Variants in CUL2 observed in about 807,000 individuals in gnomAD.
CUL2 encodes the protein cullin-2.
Under a neutral mutation model 110.2 loss-of-function variants are expected in CUL2, and 22 were observed. The observed-to-expected ratio is 0.20, with a 90% CI of 0.14 to 0.28. The LOEUF is 0.28. Ranked by LOEUF, CUL2 falls within the 10% of genes least tolerant of loss-of-function variation. The pLI, the probability that CUL2 is intolerant of heterozygous loss-of-function variation, is 1.00. For missense variants in CUL2, 631 were observed against 905.5 expected, an observed-to-expected ratio of 0.70 and a Z score of 3.89; for synonymous variants, 279 against 293.2, an observed-to-expected ratio of 0.95 and a Z score of 0.49.
intron 1 of CUL2, among the ~76,000 whole-genome samples, chr10:35,079,973 G>A (rs1199943691): frequency 6.6e-6 from 1 of 152,182 alleles, no homozygotes; most frequent in African/African-American, 2.4e-5. Context: ...ATTCACGTCT[G>A]AGCAGGACAG....
intron 1 of CUL2, among the ~76,000 whole-genome samples, chr10:35,072,472 G>A (rs960921503): frequency 1.3e-5 from 2 of 151,966 alleles, no homozygotes; most frequent in African/African-American, 4.8e-5. Flanking sequence ...AGGTTCAGGT[G>A]ATTCTCCTGC....
At chr10:35,029,307 T>A (rs964921379) in intron 15 of CUL2, among the ~76,000 whole-genome samples, 181 bp downstream of exon 15, 1 of 152,194 alleles carries the variant, frequency 6.6e-6, no homozygotes, top group African/African-American at 2.4e-5. Flanking sequence ...TCTGCCTGCT[T>A]TGGCCTCTGA....
At chr10:35,078,239 A>T (rs1470391171) in intron 1 of CUL2, among the ~76,000 whole-genome samples, 3 of 152,120 alleles carry the variant, frequency 2.0e-5, no homozygotes, top group Non-Finnish European at 4.4e-5. Context: ...CCCCTAAAAA[A>T]CTTAAATTAC....
At chr10:35,091,019 G>A (rs2087196011), upstream of CUL2, among the ~76,000 whole-genome samples, 1 of 152,000 alleles carries the variant, frequency 6.6e-6, no homozygotes, top group Admixed American at 6.6e-5. Context: ...AGAATTTCTT[G>A]GACATACATG....
intron 1 of CUL2, among the ~76,000 whole-genome samples, chr10:35,102,567 G>A (rs2087396916): frequency 1.3e-5 from 2 of 151,862 alleles, no homozygotes; most frequent in Admixed American, 6.6e-5. Flanking sequence ...GCTAGACTCT[G>A]TCTCAAAAAA....
At chr10:35,052,863 C>A (rs191660041) in intron 5 of CUL2, among the ~76,000 whole-genome samples, 1 of 150,864 alleles carries the variant, frequency 6.6e-6, no homozygotes, top group East Asian at 1.9e-4. Flanking sequence ...CCACTGCACT[C>A]CAGCCTGGGT....
chr10:35,086,758 C>G, intron 1 of CUL2, among the ~76,000 whole-genome samples: 1 of 152,082 alleles, frequency 6.6e-6, no homozygotes, highest in Admixed American at 6.6e-5. Flanking sequence ...TTAACAAGGG[C>G]AGGGACCAAA....
At chr10:35,061,686 C>T (rs1047635729) in intron 3 of CUL2, among the ~76,000 whole-genome samples, 1 of 151,444 alleles carries the variant, frequency 6.6e-6, no homozygotes, top group Non-Finnish European at 1.5e-5. Flanking sequence ...CTAAAATGCA[C>T]ATGCCATATA....
chr10:35,061,403 C>A (rs935073813), intron 3 of CUL2, among the ~76,000 whole-genome samples: 1 of 148,364 alleles, frequency 6.7e-6, no homozygotes, highest in Non-Finnish European at 1.5e-5. Flanking sequence ...TGAACCCGAT[C>A]GCACCGAGAC....
chr10:35,111,141 G>C (rs570130276), intron 1 of CUL2, among the ~76,000 whole-genome samples: 7 of 152,170 alleles, frequency 4.6e-5, no homozygotes, highest in Non-Finnish European at 7.3e-5. Context: ...TTTTTGGCCT[G>C]AGCAACTTGG....
At position 35,031,270 on chromosome 10, in the gene CUL2, G is replaced by T; in HGVS notation, c.1386+30C>A. 2 of 1,377,378 alleles carry T rather than the reference G, an allele frequency of 1.5e-6. No homozygotes were observed. The highest frequency in any genetic ancestry group is 1.3e-5 in the South Asian group (1 of 78,214). The allele number at this position is 1,377,378 out of a possible 1,614,324, so 85.3% of individuals were successfully genotyped here. ...TTATGTGCTTGTGAATGAATTTCTA[G>T]GACAATACCACATTAAAGACTTACA... On this transcript the variant is annotated intron_variant, in intron 14 of 20. Transcript: ENST00000374749. The surrounding 1 kb of genome is among the most constrained non-coding windows in gnomAD (Gnocchi z 4.4).
chr10:35,042,897 G>A (rs566851355), intron 8 of CUL2, among the ~76,000 whole-genome samples: 1 of 152,192 alleles, frequency 6.6e-6, no homozygotes, highest in South Asian at 2.1e-4. Flanking sequence ...GTCTGGGGGT[G>A]TGCAGGGCAG....
chr10:35,016,057 C>T (rs1300206357), intron 18 of CUL2, 135 bp downstream of exon 18: 4 of 690,472 alleles, frequency 5.8e-6, no homozygotes, highest in South Asian at 1.9e-5. Flanking sequence ...CTCTATGGAG[C>T]GTACAGTAAC....
At chr10:35,062,648 A>G (rs993510158) in intron 3 of CUL2, among the ~76,000 whole-genome samples, 10 of 150,616 alleles carry the variant, frequency 6.6e-5, no homozygotes, top group African/African-American at 2.4e-4. Flanking sequence ...CCTAGGCAAT[A>G]TAGTGAGACC....
chr10:35,100,007 T>C (rs957249598), intron 2 of CUL2, among the ~76,000 whole-genome samples: 2 of 152,118 alleles, frequency 1.3e-5, no homozygotes, highest in Non-Finnish European at 2.9e-5. Context: ...AGTCTTGCTA[T>C]GTTGCCCAGG....
chr10:35,120,517 G>A (rs2087665323), intron 1 of CUL2: 1 of 152,146 alleles, frequency 6.6e-6, no homozygotes, highest in South Asian at 2.1e-4. Flanking sequence ...TACAAAATAA[G>A]AGGTTGTCAA....
chr10:35,117,354 A>G (rs1361338723), intron 1 of CUL2, among the ~76,000 whole-genome samples: 1 of 152,036 alleles, frequency 6.6e-6, no homozygotes, highest in Admixed American at 6.6e-5. Flanking sequence ...CTCCCACCTC[A>G]GCTCTCGAGT....
At chr10:35,021,542 A>T (rs866249436) in intron 17 of CUL2, among the ~76,000 whole-genome samples, 1 of 151,916 alleles carries the variant, frequency 6.6e-6, no homozygotes, top group Non-Finnish European at 1.5e-5. Flanking sequence ...TGTCAATTTT[A>T]ATGTATGAAT....
At chr10:35,027,202 T>C (rs936582346) in intron 16 of CUL2, among the ~76,000 whole-genome samples, 1 of 150,636 alleles carries the variant, frequency 6.6e-6, no homozygotes, top group Non-Finnish European at 1.5e-5. Flanking sequence ...TAAAGTGCAG[T>C]GGCGCAAACT....
Sources: gnomAD v4.1 joint callset for allele counts (sites outside exome capture counted in the v4.1 genomes callset) on GRCh38, gnomAD v4.1.1 for gene constraint, Gnocchi (gnomAD v3.1) non-coding constraint, MANE v1.5 for transcripts, NCBI Gene and HGNC (gene_info 2026-07-23, HGNC 2026-07-21) for gene names.